Variants in F8 observed in about 807,000 individuals in gnomAD.
F8 encodes coagulation factor VIII.
A neutral mutation model predicts 140.6 loss-of-function variants in F8; 12 were observed. That is an observed-to-expected ratio of 0.09 (90% CI 0.05 to 0.14). F8 has a LOEUF of 0.14. F8 is among the 10% of genes least tolerant of loss of function. The pLI, the probability that F8 is intolerant of heterozygous loss-of-function variation, is 1.00. For synonymous variants in F8, 585 were observed against 614.6 expected (o/e 0.95, Z 0.71); for missense variants, 1,354 against 1,720.7 (o/e 0.79, Z 3.77).
intron 6 of F8, among the ~76,000 whole-genome samples, chrX:154,983,314 T>C (rs1318377509): frequency 8.9e-6 from 1 of 112,065 alleles, no homozygotes; most frequent in East Asian, 2.8e-4. Flanking sequence ...AGTTCAGTGG[T>C]ATATATACAT....
At chrX:154,982,404 C>A (rs1387515146) in intron 6 of F8, among the ~76,000 whole-genome samples, 1 of 92,412 alleles carries the variant, frequency 1.1e-5, no homozygotes, top group Non-Finnish European at 2.1e-5. Context: ...GCTGAGATTG[C>A]GCCACTGCAC....
intron 25 of F8, among the ~76,000 whole-genome samples, chrX:154,842,182 T>C (rs2072527039): frequency 8.9e-6 from 1 of 111,737 alleles, no homozygotes; most frequent in South Asian, 3.7e-4. Context: ...GCAGAAATTT[T>C]TGTGGGATCT....
At chrX:154,916,857 CTA>C (rs1557277148) in intron 14 of F8, among the ~76,000 whole-genome samples, 1 of 110,192 alleles carries the variant, frequency 9.1e-6, no homozygotes. Flanking sequence ...TCTTGTTTTT[CTA>C]TGTCCTTGAG....
At chrX:154,946,337 T>C (rs782448846) in intron 13 of F8, among the ~76,000 whole-genome samples, 7 of 112,155 alleles carry the variant, frequency 6.2e-5, no homozygotes, top group African/African-American at 2.3e-4. Flanking sequence ...ACTACAAAGC[T>C]GTAGTAACAA....
intron 14 of F8, among the ~76,000 whole-genome samples, chrX:154,923,160 C>T (rs2073140613): frequency 9.0e-6 from 1 of 110,869 alleles, no homozygotes; most frequent in South Asian, 3.8e-4. Context: ...ATTTTAATAC[C>T]CTTTTATTAT....
chrX:154,879,823 A>C, intron 22 of F8, among the ~76,000 whole-genome samples: 1 of 111,011 alleles, frequency 9.0e-6, no homozygotes, highest in Non-Finnish European at 1.9e-5. Flanking sequence ...TGATGGTTTA[A>C]AAGTGTATGA....
intron 25 of F8, among the ~76,000 whole-genome samples, chrX:154,854,618 GTA>G (rs1382834696): frequency 2.7e-5 from 3 of 109,880 alleles, no homozygotes; most frequent in African/African-American, 1.0e-4. Context: ...GTGTGTGTGT[GTA>G]TGTATCTCCT....
intron 14 of F8, among the ~76,000 whole-genome samples, chrX:154,925,216 C>T (rs1569559645): frequency 8.9e-6 from 1 of 112,296 alleles, no homozygotes; most frequent in East Asian, 2.8e-4. Context: ...GCACCCAAGT[C>T]GCCTCTTGAA....
At chrX:155,009,606 A>G (rs2073696047) in intron 1 of F8, among the ~76,000 whole-genome samples, 1 of 110,359 alleles carries the variant, frequency 9.1e-6, no homozygotes, top group Non-Finnish European at 1.9e-5. Flanking sequence ...GTGGTGGGGC[A>G]TGCCTGTAAT....
At chrX:154,881,363 C>G (rs1485553733) in intron 22 of F8, among the ~76,000 whole-genome samples, 2 of 89,717 alleles carry the variant, frequency 2.2e-5, no homozygotes, top group African/African-American at 4.9e-5. Flanking sequence ...TGCAACTCCC[C>G]TCCTCCCACC....
chrX:154,863,534 A>G (rs2072710217), intron 22 of F8, among the ~76,000 whole-genome samples: 1 of 111,768 alleles, frequency 8.9e-6, no homozygotes. Flanking sequence ...AGCATGGTCC[A>G]CAGACCAGGA....
intron 14 of F8, among the ~76,000 whole-genome samples, chrX:154,914,900 A>C (rs1557276978): frequency 9.0e-6 from 1 of 111,667 alleles, no homozygotes; most frequent in African/African-American, 3.3e-5. Context: ...TCCTTATAGC[A>C]GTGCCCCCCC....
chrX:154,992,094 T>A (rs2073591257), intron 4 of F8, among the ~76,000 whole-genome samples: 1 of 111,909 alleles, frequency 8.9e-6, no homozygotes, highest in Non-Finnish European at 1.9e-5. Flanking sequence ...CAAGCCAAGG[T>A]CAAAGACATG....
At chrX:154,987,657 T>A (rs1336878500) in intron 4 of F8, among the ~76,000 whole-genome samples, 1 of 113,005 alleles carries the variant, frequency 8.8e-6, no homozygotes, top group African/African-American at 3.2e-5. Context: ...TAACTTTTTA[T>A]ACTTCTGCAA....
At position 154,861,909 on chromosome X, in the gene F8, C is replaced by T. The variant is rs368047157; in HGVS notation, c.6575-43G>A. 6 of 1,191,164 alleles carry T rather than the reference C, an allele frequency of 5.0e-6. No homozygotes were observed. The African/African-American group carries it at 8.7e-5, about 17-fold the overall frequency. Reference sequence around the variant, plus strand: ...AGAAGGTTATCACAAGGACATGCTTCAGCCTCAGTTATACTGAGCAGCTTC... The same window carrying T: ...AGAAGGTTATCACAAGGACATGCTTTAGCCTCAGTTATACTGAGCAGCTTC... On this transcript the variant is annotated intron_variant, in intron 23 of 25. Transcript: ENST00000360256.
chrX:155,007,207 G>A (rs782494979), intron 1 of F8, among the ~76,000 whole-genome samples: 13 of 112,610 alleles, frequency 1.2e-4, no homozygotes, highest in East Asian at 2.8e-4. Flanking sequence ...CAAGTAATAC[G>A]TTAATGCCAA....
intron 14 of F8, among the ~76,000 whole-genome samples, chrX:154,909,948 A>G (rs2073056747): frequency 8.9e-6 from 1 of 112,103 alleles, no homozygotes; most frequent in African/African-American, 3.2e-5. Flanking sequence ...GAACACTACA[A>G]CTTATCCCTT....
intron 25 of F8, among the ~76,000 whole-genome samples, chrX:154,855,667 T>C (rs782535344): frequency 9.0e-6 from 1 of 111,164 alleles, no homozygotes; most frequent in South Asian, 3.8e-4. Flanking sequence ...CCAGTCTAAG[T>C]GGATTAACCC....
At chrX:154,975,481 T>C (rs1355089507) in intron 6 of F8, among the ~76,000 whole-genome samples, 4 of 112,397 alleles carry the variant, frequency 3.6e-5, no homozygotes, top group Non-Finnish European at 7.5e-5. Flanking sequence ...TGTGGCCTAA[T>C]GTATAATCTC....
Sources: gnomAD v4.1 joint callset for allele counts (sites outside exome capture counted in the v4.1 genomes callset) on GRCh38, gnomAD v4.1.1 for gene constraint, MANE v1.5 for transcripts, NCBI Gene and HGNC (gene_info 2026-07-23, HGNC 2026-07-21) for gene names.